NAA16: variants seen among roughly 807,000 people sequenced by gnomAD.
The protein encoded by NAA16 is NARG1-like protein.
A neutral mutation model predicts 110.3 loss-of-function variants in NAA16; 97 were observed. The observed-to-expected ratio is 0.88, with a 90% CI of 0.75 to 1.04. NAA16 has a LOEUF of 1.04. NAA16 is among the 50% of genes least tolerant of loss of function. The pLI is 0.00. For missense variants in NAA16, 1,017 were observed against 1,005.1 expected, an observed-to-expected ratio of 1.01 and a Z score of -0.16; for synonymous variants, 372 against 330.6, an observed-to-expected ratio of 1.13 and a Z score of -1.36.
intron 12 of NAA16, among the ~76,000 whole-genome samples, chr13:41,360,222 A>G (rs1342580809): frequency 6.6e-6 from 1 of 152,216 alleles, no homozygotes; most frequent in African/African-American, 2.4e-5. Flanking sequence ...TCAAATTCCA[A>G]AATGCTCCAA....
At chr13:41,325,890 A>G (rs777266717) in intron 6 of NAA16, 39 bp downstream of exon 6, 14 of 1,504,710 alleles carry the variant, frequency 9.3e-6, no homozygotes, top group Non-Finnish European at 1.1e-5. Context: ...CTCAAACAGA[A>G]AACAAAAAAA....
chr13:41,328,625 C>T (rs1422492029), intron 6 of NAA16, 99 bp from the exon 7 acceptor site: 20 of 1,008,688 alleles, frequency 2.0e-5, no homozygotes, highest in Non-Finnish European at 2.8e-5. Context: ...AGAGTTCTGT[C>T]TTTTTAACCA....
chr13:41,326,860 T>A (rs2042105674), intron 6 of NAA16, among the ~76,000 whole-genome samples: 1 of 152,156 alleles, frequency 6.6e-6, no homozygotes. Context: ...TAATGACATG[T>A]ATTCACCACT....
chr13:41,367,767 CATT>C lies in NAA16; in HGVS notation c.1753+117_1753+119del. ...ATTGTCTGTTGGAGTTGAAGACAAA[CATT>C]AGATAACTCATATGCCAAAAAACAA... On this transcript the variant is annotated intron_variant, in intron 14 of 19. Coordinates refer to ENST00000379406, the MANE Select transcript of NAA16 (RefSeq NM_024561.5). The C allele has an allele frequency of 4.5e-6, 3 of 667,304 alleles. No individual in the cohort carries two copies. The Admixed American group carries it at 1.1e-4, about 25-fold the overall frequency. The allele number at this position is 667,304 out of a possible 1,614,324, so 41.3% of individuals were successfully genotyped here.
intron 9 of NAA16, among the ~76,000 whole-genome samples, chr13:41,353,343 G>A (rs2042891589): frequency 6.6e-6 from 1 of 151,982 alleles, no homozygotes; most frequent in African/African-American, 2.4e-5. Context: ...TGGTGGAGAG[G>A]TTATGGTGGA....
At chr13:41,346,308 C>T (rs1407378983) in intron 9 of NAA16, among the ~76,000 whole-genome samples, 1 of 152,224 alleles carries the variant, frequency 6.6e-6, no homozygotes, top group Non-Finnish European at 1.5e-5. Context: ...GGGTTCACCT[C>T]TGGACTCTCA....
intron 15 of NAA16, 41 bp from the exon 16 acceptor site, chr13:41,372,162 C>A (rs757138344): frequency 1.4e-6 from 2 of 1,434,166 alleles, no homozygotes; most frequent in South Asian, 1.4e-5. Context: ...TTGACTTGTT[C>A]TGATGTTTTT....
At chr13:41,324,371 T>C (rs1036720658) in intron 5 of NAA16, among the ~76,000 whole-genome samples, 3 of 89,838 alleles carry the variant, frequency 3.3e-5, no homozygotes, top group African/African-American at 1.3e-4. Flanking sequence ...TTCTTTTTTT[T>C]TTTTTTTTTT....
intron 5 of NAA16, among the ~76,000 whole-genome samples, chr13:41,324,102 T>A (rs147690028): frequency 9.8e-5 from 15 of 152,340 alleles, no homozygotes; most frequent in Middle Eastern, 3.4e-3. Context: ...TGGGTTTTTA[T>A]ATTTTTTAAT....
chr13:41,376,424 G>A lies in NAA16; in HGVS notation c.*822G>A, dbSNP rs985936384. On this transcript the variant is annotated 3_prime_UTR_variant, in exon 20 of 20. Coordinates refer to ENST00000379406, the MANE Select transcript of NAA16 (RefSeq NM_024561.5). ...AATGGTATTTTCTGGTTGAATAAGGGTACTCTAGTTTTATGTAGATGATTT... is the reference window on the plus strand; with the variant it reads ...AATGGTATTTTCTGGTTGAATAAGGATACTCTAGTTTTATGTAGATGATTT... 6 of 152,220 alleles carry A rather than the reference G, an allele frequency of 3.9e-5. No individual in the cohort carries two copies. The highest frequency in any genetic ancestry group is 1.2e-4 in the African/African-American group (5 of 41,532). 9.4% of individuals were successfully genotyped at this position (152,220 alleles called of 1,614,324 possible).
At position 41,324,957 on chromosome 13, in the gene NAA16, G is replaced by GTTTT. The variant is rs145690016; in HGVS notation, c.538-726_538-723dup. ...GTGTTAATATAACTTTTTTAGTTTAGTTTTTTTTTTTTTTTTTTGAGACTG... is the reference window on the plus strand; with the variant it reads ...GTGTTAATATAACTTTTTTAGTTTAGTTTTTTTTTTTTTTTTTTTTTTGAGACTG... On this transcript the variant is annotated intron_variant, in intron 5 of 19. Transcript: ENST00000379406. Among the ~76,000 whole-genome samples the GTTTT allele has an allele frequency of 2.3e-4, 27 of 119,422 alleles. 1 individual carries two copies. The highest frequency in any genetic ancestry group is 5.5e-4 in the South Asian group (2 of 3,666). 78.3% of individuals were successfully genotyped at this position (119,422 alleles called of 152,430 possible). A position where few individuals can be genotyped will look rare whatever the true frequency, so the allele number is the denominator to read the frequency against.
At chr13:41,369,346 C>T (rs2043271174) in intron 15 of NAA16, 63 bp downstream of exon 15, 5 of 1,327,498 alleles carry the variant, frequency 3.8e-6, no homozygotes, top group Non-Finnish European at 5.0e-6. Context: ...TCCGTTCTGA[C>T]AGTTAACATG....
At chr13:41,311,654 C>T in intron 1 of NAA16, 72 bp downstream of exon 1, 3 of 1,433,596 alleles carry the variant, frequency 2.1e-6, no homozygotes, top group Admixed American at 2.0e-5. Context: ...AGCGGTCTGG[C>T]GGCGGCCGGC....
At chr13:41,324,379 T>C (rs1013013435) in intron 5 of NAA16, among the ~76,000 whole-genome samples, 42 of 134,454 alleles carry the variant, frequency 3.1e-4, no homozygotes, top group African/African-American at 1.2e-3. Flanking sequence ...TTTTTTTTTT[T>C]TTTTTTTTTT....
Position 41,375,519 on chromosome 13 carries a change from T to C in NAA16, c.2512T>C (p.Leu838=). 1.2e-6 allele frequency: 2 copies of C among 1,614,140 alleles called. No individual in the cohort carries two copies. The highest frequency in any genetic ancestry group is 1.7e-6 in the Non-Finnish European group (2 of 1,179,994). ...HNLLPFTSAF[L]PAVNEVDNPN... is the part of the protein sequence containing the mutation. ...CCTGCTTCCTTTTACATCTGCCTTC[T>C]TGCCTGCTGTGAATGAAGTCGACAA... is the stretch of plus-strand genomic sequence containing the variant. The change falls in exon 20 of 20, where the codon TTG becomes CTG. Residue 838 remains leucine (L), a synonymous_variant. Coordinates refer to ENST00000379406, the MANE Select transcript of NAA16 (RefSeq NM_024561.5).
chr13:41,360,648 G>A (rs564976382), intron 12 of NAA16, among the ~76,000 whole-genome samples: 1 of 152,194 alleles, frequency 6.6e-6, no homozygotes, highest in Non-Finnish European at 1.5e-5. Flanking sequence ...ACACTAGTTT[G>A]TTGGCCAGGC....
chr13:41,311,616 G>C (rs1421121407), intron 1 of NAA16, 34 bp downstream of exon 1: 2 of 1,587,216 alleles, frequency 1.3e-6, no homozygotes, highest in South Asian at 1.1e-5. Flanking sequence ...CCGCCCCCCG[G>C]TCCCCGGGTC....
chr13:41,336,494 A>G (rs1447478745), intron 8 of NAA16, among the ~76,000 whole-genome samples, 156 bp from the exon 9 acceptor site: 2 of 152,244 alleles, frequency 1.3e-5, no homozygotes, highest in Non-Finnish European at 2.9e-5. Context: ...TTCAGAATGG[A>G]TAGTTGATAA....
At chr13:41,338,120 T>C (rs775854604) in intron 9 of NAA16, among the ~76,000 whole-genome samples, 1 of 152,204 alleles carries the variant, frequency 6.6e-6, no homozygotes, top group African/African-American at 2.4e-5. Flanking sequence ...TTATTTAACA[T>C]TGGGTAAAAT....
Sources: allele counts gnomAD v4.1 joint callset (sites outside exome capture counted in the v4.1 genomes callset), GRCh38; gene constraint gnomAD v4.1.1; transcripts MANE v1.5; gene names NCBI Gene and HGNC (gene_info 2026-07-23, HGNC 2026-07-21).